PDZK1IP1: variants seen among roughly 807,000 people sequenced by gnomAD.
PDZK1IP1 encodes the protein PDZK1-interacting protein 1.
Under a neutral mutation model 14.7 loss-of-function variants are expected in PDZK1IP1, and 9 were observed. That is an observed-to-expected ratio of 0.61 (90% confidence interval 0.37 to 1.07). PDZK1IP1 has a LOEUF of 1.07. Ranked by LOEUF, PDZK1IP1 falls within the 50% of genes least tolerant of loss-of-function variation. The probability of loss-of-function intolerance (pLI) is 0.01; values close to 1 mark genes in which losing one functional copy is unlikely to be tolerated. For synonymous variants in PDZK1IP1, 70 were observed against 61.2 expected, an observed-to-expected ratio of 1.14 and a Z score of -0.67; for missense variants, 152 against 148.7, an observed-to-expected ratio of 1.02 and a Z score of -0.11.
chr1:47,186,370 A>G (rs1338444285), intron 2 of PDZK1IP1, among the ~76,000 whole-genome samples: 2 of 151,602 alleles, frequency 1.3e-5, no homozygotes, highest in Non-Finnish European at 1.5e-5. Context: ...GGTAAAGTCC[A>G]AAGCTCAGGT....
intron 1 of PDZK1IP1, among the ~76,000 whole-genome samples, chr1:47,187,776 A>G (rs1282563645): frequency 6.6e-6 from 1 of 152,212 alleles, no homozygotes; most frequent in Non-Finnish European, 1.5e-5. Context: ...ATGCAGCCCC[A>G]GGGACCAAAG....
Position 47,183,681 on chromosome 1 carries a change from T to C in PDZK1IP1, c.*290A>G. 1 of 449,572 alleles carries C rather than the reference T, an allele frequency of 2.2e-6. No homozygotes were observed. Among genetic ancestry groups the C allele is most frequent in the South Asian group, 4.6e-5 (1 of 21,826 alleles). 27.8% of individuals were successfully genotyped at this position (449,572 alleles called of 1,614,324 possible). A position where few individuals can be genotyped will look rare whatever the true frequency, so the allele number is the denominator to read the frequency against. ...GAAATTAGGGCCATTTCCATAGTTATGGGGAAGGACGTGTGAGCAGGATGG... is the reference window on the plus strand; with the variant it reads ...GAAATTAGGGCCATTTCCATAGTTACGGGGAAGGACGTGTGAGCAGGATGG... On this transcript the variant is annotated 3_prime_UTR_variant, in exon 4 of 4. Coordinates refer to ENST00000294338, the MANE Select transcript of PDZK1IP1 (RefSeq NM_005764.4).
chr1:47,187,359 T>C lies in PDZK1IP1; in HGVS notation c.136A>G (p.Ile46Val). Residue 46 changes from isoleucine (I) to valine (V), a missense_variant, in exon 2 of 4, where the codon ATC (isoleucine) becomes GTC (valine). By Grantham distance (29) the Ile-to-Val change is conservative. Transcript: ENST00000294338. ...CAGAAGTGGTTGACTGCAAAGGCGATTGCAACGAGGACCAGGAACACGGCC... is the reference window on the plus strand; with the variant it reads ...CAGAAGTGGTTGACTGCAAAGGCGACTGCAACGAGGACCAGGAACACGGCC... ...AVAVFLVLVAIAFAVNHFWCQ... is the reference protein window; with the variant it reads ...AVAVFLVLVAVAFAVNHFWCQ... 6.2e-7 allele frequency: 1 copy of C among 1,612,766 alleles called. No individual in the cohort carries two copies. Among genetic ancestry groups the C allele is most frequent in the Non-Finnish European group, 8.5e-7 (1 of 1,179,940 alleles).
At chr1:47,186,545 G>T (rs1176450784) in intron 2 of PDZK1IP1, among the ~76,000 whole-genome samples, 5 of 152,254 alleles carry the variant, frequency 3.3e-5, no homozygotes, top group Admixed American at 6.5e-5. Context: ...GATCTGGGAA[G>T]AAATGCCCCT....
At chr1:47,186,779 G>C (rs1036538110) in intron 2 of PDZK1IP1, among the ~76,000 whole-genome samples, 1 of 152,200 alleles carries the variant, frequency 6.6e-6, no homozygotes, top group Non-Finnish European at 1.5e-5. Context: ...CGGGATAAAT[G>C]TGCAATGGGG....
At chr1:47,184,930 C>T (rs977674630) in intron 3 of PDZK1IP1, 72 bp downstream of exon 3, 16 of 1,254,192 alleles carry the variant, frequency 1.3e-5, no homozygotes, top group Non-Finnish European at 1.5e-5. Flanking sequence ...CACCTCCCCC[C>T]AGCAGCACCT....
chr1:47,188,995 G>A (rs1428335196), intron 1 of PDZK1IP1, among the ~76,000 whole-genome samples: 1 of 152,132 alleles, frequency 6.6e-6, no homozygotes, highest in Admixed American at 6.5e-5. Flanking sequence ...TGCACATACA[G>A]CAAGGGGCAG....
intron 1 of PDZK1IP1, among the ~76,000 whole-genome samples, chr1:47,187,854 C>T (rs1481084478): frequency 1.3e-5 from 2 of 152,198 alleles, no homozygotes; most frequent in East Asian, 3.9e-4. Context: ...TGAGGAGGAC[C>T]CACAGCTGAC....
At chr1:47,187,237 A>G in intron 2 of PDZK1IP1, 82 bp downstream of exon 2, 2 of 927,304 alleles carry the variant, frequency 2.2e-6, no homozygotes, top group East Asian at 5.1e-5. Context: ...AGGGTTTCTG[A>G]GGCCCTTCTC....
At chr1:47,187,153 A>T (rs1645324517) in intron 2 of PDZK1IP1, among the ~76,000 whole-genome samples, 166 bp downstream of exon 2, 1 of 151,630 alleles carries the variant, frequency 6.6e-6, no homozygotes, top group Non-Finnish European at 1.5e-5. Flanking sequence ...CCTCATCCCG[A>T]CTGTCACCAA....
Position 47,183,775 on chromosome 1 carries a change from C to T in PDZK1IP1, c.*196G>A. On this transcript the variant is annotated 3_prime_UTR_variant, in exon 4 of 4. Coordinates refer to ENST00000294338, the MANE Select transcript of PDZK1IP1 (RefSeq NM_005764.4). ...TGAGCAGGAGACCCCAGGGCCACAG[C>T]CGAGCCCCAACCTAGACACGGTCTG... 1.6e-6 allele frequency: 1 copy of T among 614,120 alleles called. No individual in the cohort carries two copies. Among genetic ancestry groups the T allele is most frequent in the South Asian group, 1.9e-5 (1 of 51,802 alleles). The allele number at this position is 614,120 out of a possible 1,614,324, so 38.0% of individuals were successfully genotyped here.
intron 2 of PDZK1IP1, 98 bp downstream of exon 2, chr1:47,187,221 G>T: frequency 2.5e-6 from 2 of 815,418 alleles, no homozygotes; most frequent in Non-Finnish European, 4.1e-6. Flanking sequence ...GGGGAGGATT[G>T]GACACAGGGT....
At chr1:47,185,988 C>T (rs979058363) in intron 2 of PDZK1IP1, among the ~76,000 whole-genome samples, 2 of 152,124 alleles carry the variant, frequency 1.3e-5, no homozygotes, top group Non-Finnish European at 2.9e-5. Context: ...CTGCTAAGGC[C>T]GTGTCTCATC....
At chr1:47,185,576 C>G (rs1239063755) in intron 2 of PDZK1IP1, among the ~76,000 whole-genome samples, 2 of 152,152 alleles carry the variant, frequency 1.3e-5, no homozygotes, top group Non-Finnish European at 2.9e-5. Flanking sequence ...CTCCCAGAAG[C>G]TGCTCTCATG....
intron 1 of PDZK1IP1, 62 bp from the exon 2 acceptor site, chr1:47,187,489 C>G: frequency 7.6e-7 from 1 of 1,314,144 alleles, no homozygotes; most frequent in Non-Finnish European, 1.1e-6. Flanking sequence ...TGCAGGAGAG[C>G]GAGGGGCCTC....
At chr1:47,184,375 TGAA>T (rs2148572013) in intron 3 of PDZK1IP1, among the ~76,000 whole-genome samples, 1 of 1,360 alleles carries the variant, frequency 7.4e-4, no homozygotes, top group Admixed American at 8.2e-3. Context: ...CCATCCCCAC[TGAA>T]CCAATTCCCC....
chr1:47,185,080 A>T lies in PDZK1IP1; in HGVS notation c.194T>A (p.Ile65Asn). Residue 65 changes from isoleucine to asparagine, a missense_variant, in exon 3 of 4, where the codon ATC becomes AAC. Transcript: ENST00000294338. ...ATCTGCCTTGTTTCCGACGGTCAGG[A>T]TCATGTGTGCAGGCTCCCTGGGGAT... Reference protein sequence around the residue: ...CQEEPEPAHMILTVGNKADGV... With the variant: ...CQEEPEPAHMNLTVGNKADGV... The T allele has an allele frequency of 6.2e-7, 1 of 1,613,206 alleles. No individual in the cohort carries two copies. The highest frequency in any genetic ancestry group is 8.5e-7 in the Non-Finnish European group (1 of 1,179,888).
chr1:47,188,888 G>A (rs570884719), intron 1 of PDZK1IP1, among the ~76,000 whole-genome samples: 1 of 152,282 alleles, frequency 6.6e-6, no homozygotes, highest in Admixed American at 6.5e-5. Context: ...GGGGAGTTAG[G>A]GCTCAACCCT....
chr1:47,185,297 C>CA (rs1045187087), intron 2 of PDZK1IP1, 200 bp from the exon 3 acceptor site: 6 of 568,692 alleles, frequency 1.1e-5, no homozygotes, highest in Non-Finnish European at 1.6e-5. Context: ...AGTGGGGGGC[C>CA]AAATATTTGC....
Sources: allele counts gnomAD v4.1 joint callset (sites outside exome capture counted in the v4.1 genomes callset), GRCh38; gene constraint gnomAD v4.1.1; transcripts MANE v1.5; gene names NCBI Gene and HGNC (gene_info 2026-07-23, HGNC 2026-07-21).